The following GMPS variants were observed in gnomAD, a reference collection of about 807,000 sequenced individuals.
GMPS encodes GMP synthase [glutamine-hydrolyzing].
A neutral mutation model predicts 77.9 loss-of-function variants in GMPS; 15 were observed. The observed-to-expected ratio is 0.19, with a 90% CI of 0.13 to 0.30. The LOEUF (loss-of-function observed/expected upper bound fraction) is 0.30, where lower values mean the gene tolerates loss of function less well. Ranked by LOEUF, GMPS falls within the 10% of genes least tolerant of loss-of-function variation. The pLI, the probability that GMPS is intolerant of heterozygous loss-of-function variation, is 1.00. For missense variants in GMPS, 590 were observed against 838.8 expected (o/e 0.70, Z 3.66); for synonymous variants, 224 against 275.9 (o/e 0.81, Z 1.86).
chr3:155,879,265 CTTTTTTTT>C (rs370727242), intron 1 of GMPS, among the ~76,000 whole-genome samples: 1 of 122,652 alleles, frequency 8.2e-6, no homozygotes, highest in African/African-American at 3.0e-5. Flanking sequence ...CTGCACTTGT[CTTTTTTTT>C]TTTTTTTTTT....
chr3:155,931,774 C>G lies in GMPS; in HGVS notation c.1570C>G (p.Arg524Gly). ...IKTVGVQGDC[R>G]SYSYVCGISS... ...ATCTTTTTATTTTCAGGGTGACTGT[C>G]GTTCCTACAGTTACGTGTGTGGAAT... Residue 524 changes from arginine (R) to glycine (G), a missense_variant, in exon 13 of 16, where the codon CGT becomes GGT. Arg to Gly is a moderately radical substitution (Grantham distance 125). This residue lies in a region of GMPS where 89 missense variants were observed against 95.9 expected (regional missense o/e 0.93). Coordinates refer to ENST00000496455, the MANE Select transcript of GMPS (RefSeq NM_003875.3). The G allele has an allele frequency of 7.0e-7, 1 of 1,429,386 alleles. No individual in the cohort carries two copies. Among genetic ancestry groups the G allele is most frequent in the South Asian group, 1.2e-5 (1 of 86,308 alleles). The allele number at this position is 1,429,386 out of a possible 1,614,324, so 88.5% of individuals were successfully genotyped here.
chr3:155,887,740 A>G (rs2108064777), intron 1 of GMPS, among the ~76,000 whole-genome samples: 1 of 152,294 alleles, frequency 6.6e-6, no homozygotes, highest in South Asian at 2.1e-4. Context: ...TGTTTGTAGG[A>G]GATGCATGCT....
rs1422800046 is a variant in GMPS, at chr3:155,937,485, A to T, written c.1981-106A>T. 11 of 642,934 alleles carry T rather than the reference A, an allele frequency of 1.7e-5. No individual in the cohort carries two copies. In the East Asian group the frequency reaches 2.9e-4, roughly 17 times the overall value. The allele number at this position is 642,934 out of a possible 1,614,324, so 39.8% of individuals were successfully genotyped here. A position where few individuals can be genotyped will look rare whatever the true frequency, so the allele number is the denominator to read the frequency against. On this transcript the variant is annotated intron_variant, in intron 15 of 15. Transcript: ENST00000496455. ...AAACCATCCCATATACATGGAGGAC[A>T]ATAGTGAAAATAGTCAAATTTTAAT...
intron 1 of GMPS, among the ~76,000 whole-genome samples, chr3:155,878,273 G>C (rs768191375): frequency 3.3e-5 from 5 of 152,162 alleles, no homozygotes; most frequent in African/African-American, 7.2e-5. Context: ...AAAATATATG[G>C]TGTTTTGTGG....
chr3:155,928,995 A>G (rs1340161985), intron 12 of GMPS, among the ~76,000 whole-genome samples: 4 of 151,196 alleles, frequency 2.6e-5, no homozygotes, highest in African/African-American at 9.7e-5. Context: ...CGCAATAAAC[A>G]TATGTGTGCA....
At chr3:155,872,224 A>G (rs1241829159) in intron 1 of GMPS, among the ~76,000 whole-genome samples, 2 of 152,206 alleles carry the variant, frequency 1.3e-5, no homozygotes, top group Admixed American at 6.5e-5. Flanking sequence ...AGCACCCGGT[A>G]ATCATTCAAA....
In GMPS at chr3:155,893,570, C is replaced by G; in HGVS notation, c.80C>G (p.Ala27Gly). Residue 27 changes from alanine (A) to glycine (G), a missense_variant, in exon 2 of 16, where the codon GCT (alanine) becomes GGT (glycine). By Grantham distance (60) the Ala-to-Gly change is moderately conservative. Coordinates refer to ENST00000496455, the MANE Select transcript of GMPS (RefSeq NM_003875.3). Reference protein sequence around the residue: ...LKDGHHHYEGAVVILDAGAQY... With the variant: ...LKDGHHHYEGGVVILDAGAQY... ...GATGGCCACCACCACTATGAAGGAG[C>G]TGTTGTCATTCTGGATGCTGGTGCT... 2 of 1,612,390 alleles carry G rather than the reference C, an allele frequency of 1.2e-6. No homozygotes were observed. The highest frequency in any genetic ancestry group is 1.7e-6 in the Non-Finnish European group (2 of 1,178,598).
At chr3:155,880,461 T>A (rs1754185425) in intron 1 of GMPS, among the ~76,000 whole-genome samples, 1 of 152,178 alleles carries the variant, frequency 6.6e-6, no homozygotes. Context: ...GGTGGTAGTT[T>A]AAAAAACTCA....
intron 9 of GMPS, among the ~76,000 whole-genome samples, chr3:155,918,397 A>T (rs1755237331): frequency 6.6e-6 from 1 of 152,246 alleles, no homozygotes; most frequent in South Asian, 2.1e-4. Flanking sequence ...GGTTGCAGTG[A>T]GCCAAGATTA....
Position 155,940,745 on chromosome 3 carries a change from T to TTG in GMPS, c.*3054_*3055insGT, listed in dbSNP as rs1211130183. On this transcript the variant is annotated 3_prime_UTR_variant, in exon 16 of 16. Transcript: ENST00000496455. ...GAATGGAGAAGCTGGATAGTGTTTT[T>TTG]TTTTTTTTTTTTTAAGGTTCTTTTA... 2 of 221,076 alleles carry TTG rather than the reference T, an allele frequency of 9.0e-6. No individual in the cohort carries two copies. The allele number at this position is 221,076 out of a possible 1,614,324, so 13.7% of individuals were successfully genotyped here.
intron 11 of GMPS, among the ~76,000 whole-genome samples, chr3:155,923,419 G>A (rs1383778191): frequency 6.6e-6 from 1 of 152,038 alleles, no homozygotes; most frequent in African/African-American, 2.4e-5. Flanking sequence ...TAAAAGACAT[G>A]ATGGCTCAGA....
chr3:155,879,160 T>A (rs180997141), intron 1 of GMPS, among the ~76,000 whole-genome samples: 1 of 152,122 alleles, frequency 6.6e-6, no homozygotes, highest in East Asian at 1.9e-4. Flanking sequence ...CTCAGAGACA[T>A]ACCCAGAAAT....
chr3:155,922,386 TTTA>T (rs1755340633), intron 11 of GMPS, 84 bp downstream of exon 11: 3 of 571,314 alleles, frequency 5.3e-6, no homozygotes, highest in Admixed American at 3.9e-5. Context: ...TTTTTAGGGT[TTTA>T]TTATTTGAAA....
chr3:155,886,967 A>T (rs1754354327), intron 1 of GMPS, among the ~76,000 whole-genome samples: 1 of 152,204 alleles, frequency 6.6e-6, no homozygotes, highest in Non-Finnish European at 1.5e-5. Flanking sequence ...ACATAATATT[A>T]ACAATGGCAA....
chr3:155,884,891 A>G (rs1460358742), intron 1 of GMPS, among the ~76,000 whole-genome samples: 1 of 152,186 alleles, frequency 6.6e-6, no homozygotes, highest in Non-Finnish European at 1.5e-5. Context: ...TCAGCTGTTC[A>G]TTATATTCTG....
At chr3:155,898,135 G>T (rs1249475724) in intron 3 of GMPS, 94 bp downstream of exon 3, 7 of 749,810 alleles carry the variant, frequency 9.3e-6, no homozygotes, top group African/African-American at 5.1e-5. Context: ...GGATATTTAG[G>T]ATACTTAGTT....
At chr3:155,934,341 T>C (rs1250564827) in intron 13 of GMPS, among the ~76,000 whole-genome samples, 4 of 152,196 alleles carry the variant, frequency 2.6e-5, no homozygotes, top group Admixed American at 2.6e-4. Context: ...GTTGGCAGGG[T>C]CATATTCTCT....
At chr3:155,875,431 A>G (rs1422092311) in intron 1 of GMPS, among the ~76,000 whole-genome samples, 2 of 152,002 alleles carry the variant, frequency 1.3e-5, no homozygotes, top group Non-Finnish European at 2.9e-5. Context: ...GGGTTTCACC[A>G]TGTTGCCCAG....
chr3:155,915,314 G>A (rs377545728), intron 8 of GMPS, among the ~76,000 whole-genome samples: 1 of 145,466 alleles, frequency 6.9e-6, no homozygotes. Context: ...CTTGGCTCAC[G>A]GCAACTTTCA....
Sources: gnomAD v4.1 joint callset for allele counts (sites outside exome capture counted in the v4.1 genomes callset) on GRCh38, gnomAD v4.1.1 for gene constraint, gnomAD v4.1.1 regional missense constraint, MANE v1.5 for transcripts, NCBI Gene and HGNC (gene_info 2026-07-23, HGNC 2026-07-21) for gene names.